The following CHD2 variants were observed in gnomAD, a reference collection of about 807,000 sequenced individuals.
CHD2 encodes the protein ATP-dependent chromatin remodeler CHD2.
CHD2 carries 28 observed loss-of-function variants against 243.9 expected under a neutral mutation model. That is an observed-to-expected ratio of 0.11 (90% CI 0.09 to 0.16). The LOEUF is 0.16. Among genes scored for constraint, CHD2 ranks in the 10% least tolerant of loss-of-function variants. The probability of loss-of-function intolerance (pLI) is 1.00; values close to 1 mark genes in which losing one functional copy is unlikely to be tolerated. For missense variants in CHD2, 1,386 were observed against 2,209.8 expected, an observed-to-expected ratio of 0.63 and a Z score of 7.47; for synonymous variants, 775 against 779.0, an observed-to-expected ratio of 0.99 and a Z score of 0.09.
chr15:92,916,347 A>G (rs1166372342), intron 2 of CHD2, among the ~76,000 whole-genome samples: 1 of 152,256 alleles, frequency 6.6e-6, no homozygotes, highest in East Asian at 1.9e-4. Flanking sequence ...CACAGTATTT[A>G]CAGACATAAT....
At chr15:92,930,883 G>GGCTGAGATAGTTCCCCTCATGTTCCT (rs2053154961) in intron 5 of CHD2, among the ~76,000 whole-genome samples, 2 of 152,074 alleles carry the variant, frequency 1.3e-5, no homozygotes, top group African/African-American at 2.4e-5. Flanking sequence ...AACTGCCTTG[G>GGCTGAGATAGTTCCCCTCATGTTCCT]GCTGAGATAG....
At chr15:92,956,092 T>TC (rs528156590) in intron 15 of CHD2, among the ~76,000 whole-genome samples, 31 of 152,298 alleles carry the variant, frequency 2.0e-4, no homozygotes, top group African/African-American at 6.5e-4. Flanking sequence ...TTTGTGTGCT[T>TC]CAGGGTTGGG....
In CHD2 at chr15:92,974,932, C is replaced by G; in HGVS notation, c.2559C>G (p.Phe853Leu). The G allele has an allele frequency of 6.2e-7, 1 of 1,613,694 alleles. No homozygotes were observed. Among genetic ancestry groups the G allele is most frequent in the Non-Finnish European group, 8.5e-7 (1 of 1,179,642 alleles). The change falls in exon 20 of 39, where the codon TTC becomes TTG. Residue 853 changes from phenylalanine to leucine, a missense_variant. Physicochemically the swap from Phe to Leu is conservative, Grantham distance 22 (BLOSUM62 0). Transcript: ENST00000394196. The part of the protein sequence containing the change: ...GEIRKQALDH[F>L]NADGSEDFCF... ...TCCGAAAACAGGCACTGGACCACTT[C>G]AATGCAGATGGGTCTGAGGTATACT...
chr15:92,960,880 A>T (rs1231794944), intron 16 of CHD2, among the ~76,000 whole-genome samples: 1 of 151,530 alleles, frequency 6.6e-6, no homozygotes, highest in African/African-American at 2.4e-5. Flanking sequence ...ATGCCCGGCT[A>T]ATTTTTGTAT....
chr15:93,018,400 A>G (rs935461666), intron 37 of CHD2, among the ~76,000 whole-genome samples: 2 of 152,356 alleles, frequency 1.3e-5, no homozygotes, highest in East Asian at 1.9e-4. Flanking sequence ...CTCTGTAGAA[A>G]AAAGCTGGAA....
rs2141696398 is a variant in CHD2 at position 92,900,734 on chromosome 15, G to A, written c.-162G>A. 5.0e-6 allele frequency: 2 copies of A among 397,200 alleles called. No homozygotes were observed. Among genetic ancestry groups the A allele is most frequent in the Middle Eastern group, 6.3e-4 (1 of 1,584 alleles). 24.6% of individuals were successfully genotyped at this position (397,200 alleles called of 1,614,324 possible). A position where few individuals can be genotyped will look rare whatever the true frequency, so the allele number is the denominator to read the frequency against. ...TTTATTTATTTTTCGTTTTTTAACG[G>A]AGGATTTTGCCTTTATTTTTAATTA... On this transcript the variant is annotated 5_prime_UTR_variant, in exon 1 of 39. Coordinates refer to ENST00000394196, the MANE Select transcript of CHD2 (RefSeq NM_001271.4).
intron 25 of CHD2, 85 bp downstream of exon 25, chr15:92,984,585 G>A: frequency 7.8e-7 from 1 of 1,275,602 alleles, no homozygotes; most frequent in Admixed American, 2.7e-5. Flanking sequence ...AAGAGGCCTT[G>A]CATTGTTCCC....
In CHD2 at chr15:92,985,993, A is replaced by G. The variant is rs546470677; in HGVS notation, c.3413+320A>G. ...TATACAGACTTATGTATCTGTATAT[A>G]AAAGAAATATCAAAAATAAAAATGG... On this transcript the variant is annotated intron_variant, in intron 26 of 38. Coordinates refer to ENST00000394196, the MANE Select transcript of CHD2 (RefSeq NM_001271.4). 1.7e-4 allele frequency among the ~76,000 whole-genome samples: 26 copies of G among 152,346 alleles called. 1 individual carries two copies. The highest frequency in any genetic ancestry group is 6.0e-4 in the African/African-American group (25 of 41,572).
rs2053405609 is a variant in CHD2 at position 92,942,914 on chromosome 15, A to G, written c.898A>G (p.Lys300Glu). The G allele has an allele frequency of 6.2e-7, 1 of 1,614,110 alleles. No individual in the cohort carries two copies. Among genetic ancestry groups the G allele is most frequent in the East Asian group, 2.2e-5 (1 of 44,874 alleles). The change falls in exon 9 of 39, where the codon AAG becomes GAG. Residue 300 changes from lysine to glutamate, a missense_variant. This residue lies in a region of CHD2 where 200 missense variants were observed against 292.5 expected (regional missense o/e 0.68). Transcript: ENST00000394196. ...CCCTAGTGGTGACTTTGACACTGAA[A>G]AGGATGAAGGTGAAATCCAGTACCT... Reference protein sequence around the residue: ...GDPSGDFDTEKDEGEIQYLIK... With the variant: ...GDPSGDFDTEEDEGEIQYLIK...
Position 92,974,879 on chromosome 15 carries a change from C to A in CHD2, c.2506C>A (p.Arg836Ser). 3 of 1,613,264 alleles carry A rather than the reference C, an allele frequency of 1.9e-6. No homozygotes were observed. The highest frequency in any genetic ancestry group is 2.5e-6 in the Non-Finnish European group (3 of 1,179,340). The change falls in exon 20 of 39, where the codon CGT (arginine) becomes AGT (serine). Residue 836 changes from arginine to serine, a missense_variant and splice_region_variant. By Grantham distance (110) the Arg-to-Ser change is moderately radical. Transcript: ENST00000394196. ...GTTTTCTTGTGGTTTATTTTTACAG[C>A]GTCTGGATGGTTCCATCAAGGGAGA... is the stretch of plus-strand genomic sequence containing the variant. Reference protein sequence around the residue: ...YLTIKHYPFQRLDGSIKGEIR... With the variant: ...YLTIKHYPFQSLDGSIKGEIR...
At chr15:92,979,067 C>A in intron 21 of CHD2, 68 bp from the exon 22 acceptor site, 1 of 1,571,014 alleles carries the variant, frequency 6.4e-7, no homozygotes, top group South Asian at 1.2e-5. Flanking sequence ...AGAGCTAATC[C>A]TTCTCTCTTT....
chr15:92,953,301 C>A, intron 13 of CHD2, 56 bp from the exon 14 acceptor site: 1 of 1,439,250 alleles, frequency 6.9e-7, no homozygotes, highest in South Asian at 1.2e-5. Context: ...TATGCACATT[C>A]TGTGTTTTGG....
intron 26 of CHD2, 108 bp downstream of exon 26, chr15:92,985,781 A>G (rs1177466042): frequency 9.0e-7 from 1 of 1,111,414 alleles, no homozygotes. Flanking sequence ...GCTAATACCT[A>G]CAAAAAAGGA....
At chr15:92,928,972 G>A in intron 4 of CHD2, 58 bp from the exon 5 acceptor site, 2 of 1,506,672 alleles carry the variant, frequency 1.3e-6, no homozygotes, top group South Asian at 2.3e-5. Context: ...AGATAGTGTT[G>A]TCCCGAAGAA....
At chr15:92,908,003 ATTTTTTTT>A (rs71877681) in intron 2 of CHD2, among the ~76,000 whole-genome samples, 33 of 107,614 alleles carry the variant, frequency 3.1e-4, no homozygotes, top group East Asian at 3.1e-4. Context: ...CTCTCTTAGA[ATTTTTTTT>A]TTTTTTTTTT....
At chr15:92,955,779 T>TG (rs2053610736) in intron 15 of CHD2, among the ~76,000 whole-genome samples, 1 of 152,194 alleles carries the variant, frequency 6.6e-6, no homozygotes, top group African/African-American at 2.4e-5. Flanking sequence ...TGAGGGGACC[T>TG]TAGGTCACCA....
intron 27 of CHD2, 199 bp downstream of exon 27, chr15:92,991,716 C>A: frequency 2.3e-6 from 1 of 436,214 alleles, no homozygotes; most frequent in Non-Finnish European, 4.0e-6. Context: ...ATGATAAAGA[C>A]AGGCCATCCA....
chr15:92,905,310 T>A (rs2052600251), intron 2 of CHD2, among the ~76,000 whole-genome samples: 1 of 152,212 alleles, frequency 6.6e-6, no homozygotes, highest in Non-Finnish European at 1.5e-5. Context: ...CTCACTGATT[T>A]GCCTTGTTTG....
rs998996686 is a variant in CHD2 at position 92,993,084 on chromosome 15, C to A, written c.3595+86C>A. The stretch of plus-strand genomic sequence containing the variant: ...TGCTAAAGGGCGTTTTAAGGACAGG[C>A]TTGAGGACCACACATGCCTAGTGAT... On this transcript the variant is annotated intron_variant, in intron 28 of 38. Coordinates refer to ENST00000394196, the MANE Select transcript of CHD2 (RefSeq NM_001271.4). 2.0e-4 allele frequency: 283 copies of A among 1,421,668 alleles called. 1 individual carries two copies. Among genetic ancestry groups the A allele is most frequent in the Admixed American group, 3.2e-4 (17 of 53,640 alleles). The allele number at this position is 1,421,668 out of a possible 1,614,324, so 88.1% of individuals were successfully genotyped here. A position where few individuals can be genotyped will look rare whatever the true frequency, so the allele number is the denominator to read the frequency against.
Sources: gnomAD v4.1 joint callset for allele counts (sites outside exome capture counted in the v4.1 genomes callset) on GRCh38, gnomAD v4.1.1 for gene constraint, gnomAD v4.1.1 regional missense constraint, MANE v1.5 for transcripts, NCBI Gene and HGNC (gene_info 2026-07-23, HGNC 2026-07-21) for gene names.